Variants in WDR72 observed in about 807,000 individuals in gnomAD.
The protein encoded by WDR72 is WD repeat domain 72, also known as WD repeat-containing protein 72.
A neutral mutation model predicts 124.2 loss-of-function variants in WDR72; 120 were observed. The observed-to-expected ratio is 0.97, with a 90% confidence interval of 0.83 to 1.12. The LOEUF (loss-of-function observed/expected upper bound fraction) is 1.12, where lower values mean the gene tolerates loss of function less well. WDR72 is among the 50% of genes most tolerant of loss of function. WDR72 has a pLI of 0.00. For missense variants in WDR72, 1,387 were observed against 1,278.8 expected (o/e 1.08, Z -1.29); for synonymous variants, 452 against 441.7 (o/e 1.02, Z -0.29).
intron 1 of WDR72, among the ~76,000 whole-genome samples, chr15:53,750,673 G>C (rs2018752506): frequency 6.6e-6 from 1 of 152,190 alleles, no homozygotes; most frequent in Non-Finnish European, 1.5e-5. Flanking sequence ...TAGGTGCCTT[G>C]AGAACATTTG....
intron 13 of WDR72, among the ~76,000 whole-genome samples, chr15:53,679,516 G>C (rs2016304140): frequency 6.6e-6 from 1 of 152,192 alleles, no homozygotes; most frequent in Non-Finnish European, 1.5e-5. Flanking sequence ...GGAGAAGGCA[G>C]TGTCATATGA....
chr15:53,667,805 TG>T (rs1438564909), intron 13 of WDR72, among the ~76,000 whole-genome samples: 2 of 152,240 alleles, frequency 1.3e-5, no homozygotes, highest in Admixed American at 1.3e-4. Context: ...ATGTGCCTTA[TG>T]CAAAATGTAT....
chr15:53,561,646 C>A (rs1894127956), intron 18 of WDR72, among the ~76,000 whole-genome samples: 1 of 151,774 alleles, frequency 6.6e-6, no homozygotes, highest in South Asian at 2.1e-4. Flanking sequence ...TAAGAACTAG[C>A]ATTTTAACAA....
chr15:53,604,207 C>T (rs1279513515), intron 17 of WDR72, among the ~76,000 whole-genome samples: 1 of 152,040 alleles, frequency 6.6e-6, no homozygotes, highest in Non-Finnish European at 1.5e-5. Context: ...CTTTGGTGAA[C>T]CTGACAAAAA....
At chr15:53,595,660 G>A (rs2140337469) in intron 18 of WDR72, among the ~76,000 whole-genome samples, 1 of 152,260 alleles carries the variant, frequency 6.6e-6, no homozygotes, top group East Asian at 1.9e-4. Context: ...AGAGGTGGAA[G>A]AAACCTATCA....
At chr15:53,604,519 G>C (rs1468150872) in intron 17 of WDR72, among the ~76,000 whole-genome samples, 3 of 152,142 alleles carry the variant, frequency 2.0e-5, no homozygotes, top group Admixed American at 2.0e-4. Flanking sequence ...CACAGCGAAA[G>C]AAACTATCAA....
At chr15:53,603,097 T>C (rs1394622549) in intron 17 of WDR72, among the ~76,000 whole-genome samples, 2 of 151,898 alleles carry the variant, frequency 1.3e-5, no homozygotes, top group Admixed American at 6.6e-5. Context: ...AACAAAATAC[T>C]GGCAAACCAA....
Position 53,668,992 on chromosome 15 carries a change from G to A in WDR72, c.1766-3224C>T, listed in dbSNP as rs146294168. On this transcript the variant is annotated intron_variant, in intron 13 of 19. Transcript: ENST00000360509. The stretch of plus-strand genomic sequence containing the variant: ...GGAGGAGGAGGAGAAGGAGAAGGAG[G>A]AGGAGAAGGAGAAGGAGAAGGAGAA... Among the ~76,000 whole-genome samples, 28 of 24,826 alleles carry A rather than the reference G, an allele frequency of 1.1e-3. 1 individual carries two copies. Among genetic ancestry groups the A allele is most frequent in the East Asian group, 2.1e-3 (2 of 952 alleles). 16.3% of individuals were successfully genotyped at this position (24,826 alleles called of 152,430 possible).
At chr15:53,664,133 G>A (rs1368176564) in intron 14 of WDR72, among the ~76,000 whole-genome samples, 3 of 152,068 alleles carry the variant, frequency 2.0e-5, no homozygotes, top group Non-Finnish European at 2.9e-5. Flanking sequence ...ATGGTACTCT[G>A]CTGGGCTGAA....
At chr15:53,737,906 A>G (rs762535167) in intron 1 of WDR72, among the ~76,000 whole-genome samples, 1 of 152,210 alleles carries the variant, frequency 6.6e-6, no homozygotes, top group Non-Finnish European at 1.5e-5. Flanking sequence ...CTCCTGGACC[A>G]CAAAACAGGT....
At chr15:53,712,430 T>C (rs1188832029) in intron 7 of WDR72, among the ~76,000 whole-genome samples, 1 of 152,074 alleles carries the variant, frequency 6.6e-6, no homozygotes, top group East Asian at 1.9e-4. Context: ...ACCCGGTCTC[T>C]CCTAAAAATA....
intron 18 of WDR72, among the ~76,000 whole-genome samples, chr15:53,594,118 A>T (rs1035685757): frequency 6.6e-6 from 1 of 152,062 alleles, no homozygotes; most frequent in Non-Finnish European, 1.5e-5. Context: ...AAGCATTGGA[A>T]TATATTAAAA....
intron 1 of WDR72, among the ~76,000 whole-genome samples, chr15:53,740,449 A>T (rs915432769): frequency 1.3e-5 from 2 of 151,884 alleles, no homozygotes; most frequent in Non-Finnish European, 2.9e-5. Flanking sequence ...CTGGGACTAC[A>T]GGCGCCCACC....
intron 14 of WDR72, among the ~76,000 whole-genome samples, chr15:53,639,539 T>TATAATTTTATTTATTTATAAAATTATAC (rs2014763367): frequency 6.3e-5 from 9 of 142,756 alleles, no homozygotes; most frequent in African/African-American, 2.2e-4. Context: ...TAAAATTATA[T>TATAATTTTATTTATTTATAAAATTATAC]ATAATTTTAT....
chr15:53,639,374 T>G (rs1477304512), intron 14 of WDR72, among the ~76,000 whole-genome samples: 1 of 151,684 alleles, frequency 6.6e-6, no homozygotes, highest in Non-Finnish European at 1.5e-5. Flanking sequence ...CTCATGCCTG[T>G]AATTCCAGCA....
chr15:53,753,927 CATCCCTAGAT>C (rs1438889656), intron 1 of WDR72, among the ~76,000 whole-genome samples: 3 of 152,274 alleles, frequency 2.0e-5, no homozygotes, highest in Middle Eastern at 3.4e-3. Flanking sequence ...CTAGGGATTA[CATCCCTAGAT>C]TTGTATGACC....
intron 13 of WDR72, among the ~76,000 whole-genome samples, chr15:53,679,204 A>G (rs1423733363): frequency 6.6e-6 from 1 of 152,200 alleles, no homozygotes; most frequent in Non-Finnish European, 1.5e-5. Context: ...AGTTTCATTT[A>G]AAGAAGCTGA....
upstream of WDR72, among the ~76,000 whole-genome samples, chr15:53,761,837 C>CAACCAAACAAAAAA (rs56685517): frequency 1.3e-5 from 2 of 151,902 alleles, no homozygotes; most frequent in Non-Finnish European, 2.9e-5. Context: ...AAAACAAAAA[C>CAACCAAACAAAAAA]CCAAAGCAGA....
chr15:53,703,366 T>A (rs558144303), intron 11 of WDR72, among the ~76,000 whole-genome samples: 1 of 152,234 alleles, frequency 6.6e-6, no homozygotes, highest in South Asian at 2.1e-4. Flanking sequence ...TTAAGTGACT[T>A]GCATCCAAGT....
Sources: allele counts gnomAD v4.1 joint callset (sites outside exome capture counted in the v4.1 genomes callset), GRCh38; gene constraint gnomAD v4.1.1; transcripts MANE v1.5; gene names NCBI Gene and HGNC (gene_info 2026-07-23, HGNC 2026-07-21).